Variants in PKIB observed in about 807,000 individuals in gnomAD.
The protein encoded by PKIB is PKI-beta.
PKIB carries 2 observed loss-of-function variants against 4.5 expected under a neutral mutation model. The observed-to-expected ratio is 0.44, with a 90% CI of 0.18 to 1.39. PKIB has a LOEUF of 1.39. Ranked by LOEUF, PKIB falls within the 40% of genes most tolerant of loss-of-function variation. The pLI is 0.27. For missense variants in PKIB, 94 were observed against 92.6 expected (o/e 1.02, Z -0.06); for synonymous variants, 38 against 36.0 (o/e 1.06, Z -0.20).
At chr6:122,530,198 A>G (rs1233528602) in intron 2 of PKIB, among the ~76,000 whole-genome samples, 9 of 152,108 alleles carry the variant, frequency 5.9e-5, no homozygotes, top group Admixed American at 5.9e-4. Context: ...TCTTAGTGAT[A>G]AAGTTTGCTG....
At chr6:122,708,491 G>T (rs1184373876) in intron 3 of PKIB, among the ~76,000 whole-genome samples, 2 of 152,118 alleles carry the variant, frequency 1.3e-5, no homozygotes, top group Non-Finnish European at 2.9e-5. Flanking sequence ...GTGTAGGGGA[G>T]ATATGGTTTT....
chr6:122,613,622 C>A (rs1388596473), intron 1 of PKIB, among the ~76,000 whole-genome samples: 2 of 149,366 alleles, frequency 1.3e-5, no homozygotes, highest in Non-Finnish European at 3.0e-5. Context: ...AGCACTTGAA[C>A]ATCCCCATAA....
intron 2 of PKIB, among the ~76,000 whole-genome samples, chr6:122,520,661 T>TTCCCTCTC (rs1562237597): frequency 1.8e-5 from 1 of 55,548 alleles, no homozygotes; most frequent in Non-Finnish European, 3.8e-5. Flanking sequence ...AAGTTTATGT[T>TTCCCTCTC]CCCACCCCCC....
At position 122,553,481 on chromosome 6, in the gene PKIB, C is replaced by CTTTTTTTTTTTTTTTTTTTTTTT. The variant is rs533553939; in HGVS notation, c.-247-32418_-247-32417insTTTTTTTTTTTTTTTTTTTTTTT. On this transcript the variant is annotated intron_variant, in intron 2 of 6. Coordinates refer to the PKIB transcript ENST00000392491. ...TCTCTCAAGATTGCTCAAATATCTT[C>CTTTTTTTTTTTTTTTTTTTTTTT]TTTTTTTTTTTTTTTTTTTTTTCTG... 6.4e-4 allele frequency among the ~76,000 whole-genome samples: 42 copies of CTTTTTTTTTTTTTTTTTTTTTTT among 65,818 alleles called. 11 individuals are homozygous for CTTTTTTTTTTTTTTTTTTTTTTT. The highest frequency in any genetic ancestry group is 7.1e-4 in the Non-Finnish European group (26 of 36,486). The allele number at this position is 65,818 out of a possible 152,430, so 43.2% of individuals were successfully genotyped here.
chr6:122,688,246 G>A (rs1030115904), intron 3 of PKIB, among the ~76,000 whole-genome samples: 4 of 152,112 alleles, frequency 2.6e-5, no homozygotes, highest in East Asian at 3.9e-4. Flanking sequence ...TTAATATAAT[G>A]TATCACACTG....
chr6:122,725,115 AT>A lies in PKIB; in HGVS notation c.170-4del, dbSNP rs748295642. ...CAATATATTCCACATATGAATGGAA[AT>A]TTTTTTTTCAGATGCAAAAGAGAAA... On this transcript the variant is annotated splice_polypyrimidine_tract_variant and intron_variant, in intron 4 of 4. Transcript: ENST00000368452. 6.0e-5 allele frequency: 94 copies of A among 1,575,626 alleles called. No individual in the cohort carries two copies. Among genetic ancestry groups the A allele is most frequent in the East Asian group, 9.0e-5 (4 of 44,480 alleles).
chr6:122,557,077 G>A (rs1475870327), intron 2 of PKIB, among the ~76,000 whole-genome samples: 3 of 152,286 alleles, frequency 2.0e-5, no homozygotes, highest in South Asian at 2.1e-4. Context: ...ATAGCCAGGT[G>A]TGGTGGCGGG....
chr6:122,674,207 C>T (rs564082054), intron 2 of PKIB, among the ~76,000 whole-genome samples: 144 of 152,048 alleles, frequency 9.5e-4, no homozygotes, highest in Non-Finnish European at 1.7e-3. Flanking sequence ...GATAGGCAAA[C>T]TAATAAGGGT....
chr6:122,670,979 A>G (rs1777439823), intron 2 of PKIB, among the ~76,000 whole-genome samples: 1 of 152,216 alleles, frequency 6.6e-6, no homozygotes, highest in South Asian at 2.1e-4. Context: ...TTTTAAAAAC[A>G]AAACAAAAAT....
intron 2 of PKIB, among the ~76,000 whole-genome samples, chr6:122,493,649 C>G (rs531668578): frequency 6.6e-6 from 1 of 152,236 alleles, no homozygotes; most frequent in Non-Finnish European, 1.5e-5. Context: ...GTCTGAGAGT[C>G]TATTTTGTTT....
At chr6:122,659,287 C>T (rs532962689) in intron 2 of PKIB, among the ~76,000 whole-genome samples, 1 of 152,278 alleles carries the variant, frequency 6.6e-6, no homozygotes, top group East Asian at 1.9e-4. Flanking sequence ...GTTCTACGTA[C>T]ATGTGGATAC....
intron 3 of PKIB, among the ~76,000 whole-genome samples, chr6:122,706,336 C>T (rs1779054940): frequency 6.6e-6 from 1 of 152,108 alleles, no homozygotes; most frequent in East Asian, 1.9e-4. Flanking sequence ...CATATTCCAT[C>T]TGTACGATGA....
At chr6:122,549,797 T>C (rs1772615304) in intron 2 of PKIB, among the ~76,000 whole-genome samples, 1 of 149,150 alleles carries the variant, frequency 6.7e-6, no homozygotes, top group Non-Finnish European at 1.5e-5. Context: ...CTTCCTTTTA[T>C]GTTACCATAT....
At chr6:122,665,727 A>C (rs9401565) in intron 2 of PKIB, among the ~76,000 whole-genome samples, 38,833 of 152,008 alleles carry the variant, frequency 0.26, 5,441 homozygotes, top group East Asian at 0.37. Flanking sequence ...TGCATTTGAA[A>C]TTTTCATAGA....
intron 2 of PKIB, among the ~76,000 whole-genome samples, chr6:122,528,242 T>A (rs944725314): frequency 1.3e-5 from 2 of 152,202 alleles, no homozygotes; most frequent in African/African-American, 4.8e-5. Context: ...ATGGAGTATC[T>A]TTTCCTATCT....
chr6:122,603,268 G>A (rs939878163), intron 3 of PKIB, among the ~76,000 whole-genome samples: 17 of 151,978 alleles, frequency 1.1e-4, no homozygotes, highest in African/African-American at 2.9e-4. Flanking sequence ...TGTCATAAAG[G>A]TGCTACTTAC....
At chr6:122,515,826 C>T (rs2114589700) in intron 2 of PKIB, among the ~76,000 whole-genome samples, 2 of 152,228 alleles carry the variant, frequency 1.3e-5, no homozygotes, top group African/African-American at 4.8e-5. Context: ...AGCTATTCTC[C>T]TGCCTTAGCC....
At chr6:122,566,665 C>G (rs1029978167) in intron 2 of PKIB, among the ~76,000 whole-genome samples, 1 of 151,416 alleles carries the variant, frequency 6.6e-6, no homozygotes, top group Non-Finnish European at 1.5e-5. Context: ...TTCCTTCCTT[C>G]CTTCCTTCTC....
At chr6:122,631,068 T>C (rs1423729483) in intron 1 of PKIB, among the ~76,000 whole-genome samples, 1 of 152,212 alleles carries the variant, frequency 6.6e-6, no homozygotes, top group African/African-American at 2.4e-5. Context: ...ATTTGGTTGA[T>C]ATCTTTTATT....
Sources: gnomAD v4.1 joint callset for allele counts (sites outside exome capture counted in the v4.1 genomes callset) on GRCh38, gnomAD v4.1.1 for gene constraint, MANE v1.5 for transcripts, NCBI Gene and HGNC (gene_info 2026-07-23, HGNC 2026-07-21) for gene names.